MBOAT1: variants seen among roughly 807,000 people sequenced by gnomAD.
MBOAT1 encodes the protein membrane bound glycerophospholipid O-acyltransferase 1, also known as membrane-bound glycerophospholipid O-acyltransferase 1.
In MBOAT1, 67 loss-of-function variants were observed where a neutral mutation model predicts 64.4. The ratio of observed to expected loss-of-function variants is 1.04; its 90% CI spans 0.85 to 1.27. The LOEUF (loss-of-function observed/expected upper bound fraction) is 1.27, where lower values mean the gene tolerates loss of function less well. Among genes scored for constraint, MBOAT1 ranks in the 50% most tolerant of loss-of-function variants. MBOAT1 has a pLI of 0.00. For synonymous variants in MBOAT1, 229 were observed against 218.9 expected, an observed-to-expected ratio of 1.05 and a Z score of -0.41; for missense variants, 563 against 604.6, an observed-to-expected ratio of 0.93 and a Z score of 0.72.
intron 9 of MBOAT1, among the ~76,000 whole-genome samples, chr6:20,115,924 A>T (rs527537095): frequency 1.3e-5 from 2 of 152,092 alleles, no homozygotes; most frequent in Non-Finnish European, 2.9e-5. Flanking sequence ...CCCAACCGGC[A>T]GTGGCGCAAG....
chr6:20,184,878 G>T (rs1156581397), intron 1 of MBOAT1, among the ~76,000 whole-genome samples: 1 of 71,236 alleles, frequency 1.4e-5, no homozygotes, highest in Non-Finnish European at 3.5e-5. Context: ...CATTATAACT[G>T]CAGTGTGTGT....
At chr6:20,112,692 T>A (rs898859723) in intron 11 of MBOAT1, among the ~76,000 whole-genome samples, 184 bp downstream of exon 11, 1 of 152,188 alleles carries the variant, frequency 6.6e-6, no homozygotes, top group Admixed American at 6.5e-5. Flanking sequence ...TTGTAATGAC[T>A]CCAGAGGTTC....
intron 3 of MBOAT1, among the ~76,000 whole-genome samples, chr6:20,144,937 G>C (rs1024780713): frequency 6.6e-6 from 1 of 152,080 alleles, no homozygotes; most frequent in Non-Finnish European, 1.5e-5. Context: ...ACTTACTCAT[G>C]AGCATTCCCT....
At chr6:20,109,415 G>A (rs1205480212) in intron 12 of MBOAT1, among the ~76,000 whole-genome samples, 183 bp downstream of exon 12, 1 of 152,130 alleles carries the variant, frequency 6.6e-6, no homozygotes, top group Non-Finnish European at 1.5e-5. Context: ...GTATGTATTG[G>A]AATTTGTACA....
At chr6:20,111,920 CAA>C (rs1760183621) in intron 11 of MBOAT1, among the ~76,000 whole-genome samples, 2 of 127,280 alleles carry the variant, frequency 1.6e-5, no homozygotes, top group Admixed American at 1.6e-4. Flanking sequence ...CTAACTAAAA[CAA>C]GAGATCCTCA....
At chr6:20,152,971 T>C (rs1761570205) in intron 1 of MBOAT1, among the ~76,000 whole-genome samples, 2 of 152,174 alleles carry the variant, frequency 1.3e-5, no homozygotes, top group South Asian at 4.1e-4. Context: ...TAGCTGGGAC[T>C]ACAGGCGCCC....
intron 1 of MBOAT1, among the ~76,000 whole-genome samples, chr6:20,175,329 TAACCCTGTAACCTCAA>T (rs1762309606): frequency 6.6e-6 from 1 of 152,034 alleles, no homozygotes; most frequent in African/African-American, 2.4e-5. Flanking sequence ...TAGGTCACTG[TAACCCTGTAACCTCAA>T]AATCCTGGGC....
intron 1 of MBOAT1, among the ~76,000 whole-genome samples, chr6:20,185,793 T>C (rs1309848265): frequency 6.6e-6 from 1 of 152,216 alleles, no homozygotes; most frequent in Non-Finnish European, 1.5e-5. Context: ...ACAAGTATTA[T>C]TACCTCCACT....
intron 12 of MBOAT1, among the ~76,000 whole-genome samples, chr6:20,102,811 C>A (rs1759840393): frequency 6.6e-6 from 1 of 152,130 alleles, no homozygotes; most frequent in Admixed American, 6.5e-5. Context: ...AATGATGGAC[C>A]ACATTAATGA....
chr6:20,139,135 G>A (rs994136034), intron 4 of MBOAT1, among the ~76,000 whole-genome samples: 1 of 152,176 alleles, frequency 6.6e-6, no homozygotes, highest in Non-Finnish European at 1.5e-5. Context: ...TATTTTGTTT[G>A]TTTGTTTTGA....
intron 1 of MBOAT1, among the ~76,000 whole-genome samples, chr6:20,177,320 A>G (rs886894539): frequency 6.6e-6 from 1 of 152,326 alleles, no homozygotes; most frequent in African/African-American, 2.4e-5. Context: ...GCAGATACGG[A>G]CAATAAAGTG....
intron 1 of MBOAT1, among the ~76,000 whole-genome samples, chr6:20,187,207 G>A (rs1474009794): frequency 6.6e-6 from 1 of 152,204 alleles, no homozygotes; most frequent in African/African-American, 2.4e-5. Flanking sequence ...GATTCTGAAG[G>A]ATGAGTAAAG....
intron 3 of MBOAT1, among the ~76,000 whole-genome samples, chr6:20,144,656 G>C (rs1264681432): frequency 6.6e-6 from 1 of 152,228 alleles, no homozygotes; most frequent in African/African-American, 2.4e-5. Flanking sequence ...ATCACTACCT[G>C]TAAGGTCTTG....
chr6:20,136,148 C>A lies in MBOAT1; in HGVS notation c.420-4949G>T, dbSNP rs141064406. Among the ~76,000 whole-genome samples, 671 of 152,244 alleles carry A rather than the reference C, an allele frequency of 4.4e-3. 1 individual carries two copies. The highest frequency in any genetic ancestry group is 0.015 in the African/African-American group (627 of 41,542). ...AGAAAATAAGCAACTCCAGAAGTTG[C>A]AGCAAAGGAAGTACATAGTTCTACC... On this transcript the variant is annotated intron_variant, in intron 4 of 12. Transcript: ENST00000324607.
rs372171805 is a variant in MBOAT1, at chr6:20,112,998, G to C, written c.1087C>G (p.Gln363Glu). ...ACCGTGGGGTACCATGGAACCCGCTGATAGCACACACTGTGAAGAGAGGAA... is the reference window on the plus strand; with the variant it reads ...ACCGTGGGGTACCATGGAACCCGCTCATAGCACACACTGTGAAGAGAGGAA... ...TATWLKCVCY[Q>E]RVPWYPTVLT... Residue 363 changes from glutamine (Q) to glutamate (E), a missense_variant, in exon 11 of 13, where the codon CAG becomes GAG. Transcript: ENST00000324607. The C allele has an allele frequency of 1.2e-5, 19 of 1,613,770 alleles. No homozygotes were observed. The highest frequency in any genetic ancestry group is 3.3e-4 in the Middle Eastern group (2 of 6,052).
intron 12 of MBOAT1, among the ~76,000 whole-genome samples, chr6:20,103,066 T>A (rs1759848517): frequency 6.6e-6 from 1 of 152,202 alleles, no homozygotes; most frequent in Non-Finnish European, 1.5e-5. Context: ...ACTTTCCCAT[T>A]GTTATTTTGG....
chr6:20,109,270 C>A (rs1208862744), intron 12 of MBOAT1, among the ~76,000 whole-genome samples: 1 of 152,190 alleles, frequency 6.6e-6, no homozygotes, highest in Non-Finnish European at 1.5e-5. Context: ...GCCTACCCCC[C>A]AGGAGAAAGA....
intron 5 of MBOAT1, among the ~76,000 whole-genome samples, chr6:20,130,830 T>C (rs186943481): frequency 6.6e-6 from 1 of 152,162 alleles, no homozygotes; most frequent in Non-Finnish European, 1.5e-5. Context: ...CATTTCTTTT[T>C]AACAGATTTG....
rs1235370255 is a variant in MBOAT1, at chr6:20,152,683, A to G, written c.186T>C (p.Asp62=). Residue 62 remains aspartate, a synonymous_variant, in exon 2 of 13, where the codon GAT becomes GAC. Transcript: ENST00000324607. ...AAATGGTGGCAACCGCATGCCGGAC[A>G]TCAGAGCTGGTTGTACCAGGACGTA... The part of the protein sequence containing the change: ...IYLRPGTTSS[D]VRHAVATIFG... 1.9e-6 allele frequency: 3 copies of G among 1,612,156 alleles called. No individual in the cohort carries two copies. Among genetic ancestry groups the G allele is most frequent in the Non-Finnish European group, 2.5e-6 (3 of 1,178,780 alleles).
Sources: gnomAD v4.1 joint callset for allele counts (sites outside exome capture counted in the v4.1 genomes callset) on GRCh38, gnomAD v4.1.1 for gene constraint, MANE v1.5 for transcripts, NCBI Gene and HGNC (gene_info 2026-07-23, HGNC 2026-07-21) for gene names.